DHX16: variants seen among roughly 807,000 people sequenced by gnomAD.
DHX16 encodes the protein DEAH-box helicase 16.
A neutral mutation model predicts 131.2 loss-of-function variants in DHX16; 81 were observed. The ratio of observed to expected loss-of-function variants is 0.62; its 90% CI spans 0.52 to 0.74. DHX16 has a LOEUF of 0.74. Among genes scored for constraint, DHX16 ranks in the 30% least tolerant of loss-of-function variants. DHX16 has a pLI of 0.00. For synonymous variants in DHX16, 440 were observed against 520.2 expected (o/e 0.85, Z 2.10); for missense variants, 980 against 1,363.1 (o/e 0.72, Z 4.43).
chr6:30,662,595 G>A lies in DHX16; in HGVS notation c.1544+32C>T. Reference sequence around the variant, plus strand: ...AATGGCTGAATTGGCTGGGTGGGAAGAAGGGAGAGAAAGGCCAGAGATTAG... The same window carrying A: ...AATGGCTGAATTGGCTGGGTGGGAAAAAGGGAGAGAAAGGCCAGAGATTAG... On this transcript the variant is annotated intron_variant, in intron 9 of 19. Coordinates refer to ENST00000376442, the MANE Select transcript of DHX16 (RefSeq NM_003587.5). This position sits in a 1 kb window ranked among gnomAD's most constrained non-coding sequence, Gnocchi z 4.7. The A allele has an allele frequency of 1.9e-6, 3 of 1,561,920 alleles. No individual in the cohort carries two copies. Among genetic ancestry groups the A allele is most frequent in the Non-Finnish European group, 2.6e-6 (3 of 1,134,238 alleles).
intron 9 of DHX16, among the ~76,000 whole-genome samples, chr6:30,661,387 C>G (rs1400277182): frequency 6.6e-6 from 1 of 151,936 alleles, no homozygotes; most frequent in African/African-American, 2.4e-5. Context: ...CCGGCTGATA[C>G]GTTTTAAAGG....
At position 30,656,318 on chromosome 6, in the gene DHX16, A is replaced by G; in HGVS notation, c.2431-53T>C. On this transcript the variant is annotated intron_variant, in intron 15 of 19. Transcript: ENST00000376442. This position sits in a 1 kb window ranked among gnomAD's most constrained non-coding sequence, Gnocchi z 5.1. Reference sequence around the variant, plus strand: ...CCAGTCCTCCCTCAGGTTTCCCGCTACTACTACAGGGGTCCCTGGAGCCAT... The same window carrying G: ...CCAGTCCTCCCTCAGGTTTCCCGCTGCTACTACAGGGGTCCCTGGAGCCAT... The G allele has an allele frequency of 1.2e-6, 2 of 1,611,284 alleles. No homozygotes were observed. The highest frequency in any genetic ancestry group is 2.2e-5 in the South Asian group (2 of 91,014).
At chr6:30,664,241 T>C (rs951008634) in intron 7 of DHX16, among the ~76,000 whole-genome samples, 2 of 151,766 alleles carry the variant, frequency 1.3e-5, no homozygotes, top group African/African-American at 4.8e-5. Flanking sequence ...CCCAGCACTT[T>C]GGGAGGCTGA....
At chr6:30,664,050 G>A (rs944967311) in intron 7 of DHX16, among the ~76,000 whole-genome samples, 2 of 150,916 alleles carry the variant, frequency 1.3e-5, no homozygotes, top group Admixed American at 6.6e-5. Context: ...TGTTTAATAT[G>A]GGCATGGTGG....
intron 12 of DHX16, among the ~76,000 whole-genome samples, chr6:30,658,694 G>C (rs1263482351): frequency 1.3e-5 from 2 of 151,902 alleles, no homozygotes; most frequent in Non-Finnish European, 2.9e-5. Flanking sequence ...CTGGGCAACA[G>C]AGCGAGACTC....
At position 30,670,486 on chromosome 6, in the gene DHX16, T is replaced by G; in HGVS notation, c.610-20A>C. Reference sequence around the variant, plus strand: ...ATAAGCCTAGAAGAAAAAACAAGAATGGAGGGGTGTGAGGCCAAAGAGCCC... The same window carrying G: ...ATAAGCCTAGAAGAAAAAACAAGAAGGGAGGGGTGTGAGGCCAAAGAGCCC... On this transcript the variant is annotated intron_variant, in intron 3 of 19. Coordinates refer to ENST00000376442, the MANE Select transcript of DHX16 (RefSeq NM_003587.5). This position sits in a 1 kb window ranked among gnomAD's most constrained non-coding sequence, Gnocchi z 4.4. The G allele has an allele frequency of 6.2e-7, 1 of 1,608,406 alleles. No individual in the cohort carries two copies.
intron 7 of DHX16, among the ~76,000 whole-genome samples, chr6:30,663,550 C>T (rs1378488738): frequency 2.0e-5 from 3 of 150,904 alleles, no homozygotes; most frequent in Non-Finnish European, 4.4e-5. Context: ...GGTGAAACCC[C>T]GTCTACTAAA....
At position 30,656,630 on chromosome 6, in the gene DHX16, A is replaced by T; in HGVS notation, c.2278T>A (p.Leu760Met). ...TTVPEIQRTS[L>M]GNVVLLLKSL... is the part of the protein sequence containing the mutation. ...TTGAGCAGCAACACGACATTGCCCAAGCTGGTCCTCTGGATCTCAGGCACT... is the reference window on the plus strand; with the variant it reads ...TTGAGCAGCAACACGACATTGCCCATGCTGGTCCTCTGGATCTCAGGCACT... The change falls in exon 14 of 20, where the codon TTG (leucine) becomes ATG (methionine). Residue 760 changes from leucine to methionine, a missense_variant. Physicochemically the swap from Leu to Met is conservative, Grantham distance 15. This residue lies in a region of DHX16 where 309 missense variants were observed against 537.1 expected (regional missense o/e 0.58). Coordinates refer to ENST00000376442, the MANE Select transcript of DHX16 (RefSeq NM_003587.5). This position sits in a 1 kb window ranked among gnomAD's most constrained non-coding sequence, Gnocchi z 5.1. 6.2e-7 allele frequency: 1 copy of T among 1,614,134 alleles called. No homozygotes were observed. Among genetic ancestry groups the T allele is most frequent in the Non-Finnish European group, 8.5e-7 (1 of 1,180,022 alleles).
At chr6:30,658,634 C>T (rs531017677) in intron 12 of DHX16, among the ~76,000 whole-genome samples, 1 of 151,894 alleles carries the variant, frequency 6.6e-6, no homozygotes, top group African/African-American at 2.4e-5. Flanking sequence ...TCACTTGAGC[C>T]TGGGAGGTGG....
Position 30,656,471 on chromosome 6 carries a change from G to A in DHX16, c.2350C>T (p.Pro784Ser). ...GCCAGCAGCAGTGTCTCATATGGTG[G>A]AGGGTCCAGGAAATCAAAGTGCATT... Reference protein sequence around the residue: ...DLMHFDFLDPPPYETLLLALE... With the variant: ...DLMHFDFLDPSPYETLLLALE... Residue 784 changes from proline to serine, a missense_variant, in exon 15 of 20, where the codon CCA becomes TCA. By Grantham distance (74) the Pro-to-Ser change is moderately conservative (BLOSUM62 -1). Coordinates refer to ENST00000376442, the MANE Select transcript of DHX16 (RefSeq NM_003587.5). This position sits in a 1 kb window ranked among gnomAD's most constrained non-coding sequence, Gnocchi z 5.1. 6.2e-7 allele frequency: 1 copy of A among 1,614,212 alleles called. No homozygotes were observed. Among genetic ancestry groups the A allele is most frequent in the Non-Finnish European group, 8.5e-7 (1 of 1,180,032 alleles).
In DHX16 at chr6:30,665,923, T is replaced by A. The variant is rs1185927021; in HGVS notation, c.667-190A>T. Reference sequence around the variant, plus strand: ...AATCTGGGCCTCTTTGGATGCTACATGCTGACCCCACATCGTATCTTCCTG... The same window carrying A: ...AATCTGGGCCTCTTTGGATGCTACAAGCTGACCCCACATCGTATCTTCCTG... On this transcript the variant is annotated intron_variant, in intron 4 of 19. Coordinates refer to ENST00000376442, the MANE Select transcript of DHX16 (RefSeq NM_003587.5). This position sits in a 1 kb window ranked among gnomAD's most constrained non-coding sequence, Gnocchi z 4.8. 6.6e-6 allele frequency among the ~76,000 whole-genome samples: 1 copy of A among 152,194 alleles called. No homozygotes were observed. The highest frequency in any genetic ancestry group is 1.9e-4 in the East Asian group (1 of 5,200).
chr6:30,665,619 C>G lies in DHX16; in HGVS notation c.781G>C (p.Glu261Gln). The change falls in exon 5 of 20, where the codon GAG becomes CAG. Residue 261 changes from glutamate (E) to glutamine (Q), a missense_variant. Glu to Gln is a conservative substitution (Grantham distance 29). Transcript: ENST00000376442. The surrounding 1 kb of genome is among the most constrained non-coding windows in gnomAD (Gnocchi z 4.8). ...ADEEFLFGDV[E>Q]LSRHERQELK... ...TCCTGCCGCTCGTGCCGGCTCAGCT[C>G]CACGTCCCCAAAAAGGAACTCCTCA... 1 of 1,612,950 alleles carries G rather than the reference C, an allele frequency of 6.2e-7. No homozygotes were observed. Among genetic ancestry groups the G allele is most frequent in the African/African-American group, 1.3e-5 (1 of 75,056 alleles).
chr6:30,654,262 C>T (rs1767742379), intron 19 of DHX16, among the ~76,000 whole-genome samples: 1 of 151,840 alleles, frequency 6.6e-6, no homozygotes, highest in Non-Finnish European at 1.5e-5. Context: ...GATGCTGACA[C>T]ACCTGTTAGA....
intron 12 of DHX16, among the ~76,000 whole-genome samples, chr6:30,658,262 G>C (rs1322871019): frequency 6.6e-6 from 1 of 152,118 alleles, no homozygotes; most frequent in Non-Finnish European, 1.5e-5. Context: ...CTGGGTGTTG[G>C]CCAGGCATGG....
rs879229354 is a variant in DHX16, at chr6:30,655,228, G to A, written c.2770C>T (p.Arg924Cys). 6.2e-7 allele frequency: 1 copy of A among 1,614,158 alleles called. No homozygotes were observed. The highest frequency in any genetic ancestry group is 8.5e-7 in the Non-Finnish European group (1 of 1,180,026). ...CAGGAACTGAGACCAACTTCCACAC[G>A]TTCCAAGAGCCCTTCCAGCTGTTCC... ...VREQLEGLLE[R>C]VEVGLSSCQG... is the part of the protein sequence containing the mutation. The change falls in exon 18 of 20, where the codon CGT becomes TGT. Residue 924 changes from arginine to cysteine, a missense_variant. By Grantham distance (180) the Arg-to-Cys change is radical. This residue lies in a region of DHX16 where 214 missense variants were observed against 271.2 expected (regional missense o/e 0.79). Transcript: ENST00000376442.
intron 1 of DHX16, among the ~76,000 whole-genome samples, chr6:30,671,849 A>AT (rs1769588902): frequency 6.7e-6 from 1 of 150,334 alleles, no homozygotes. Flanking sequence ...CGCTCAACTA[A>AT]TTTTTAATTT....
chr6:30,663,138 A>G, intron 7 of DHX16, 117 bp from the exon 8 acceptor site: 2 of 834,784 alleles, frequency 2.4e-6, no homozygotes, highest in Non-Finnish European at 3.7e-6. Flanking sequence ...AGGAAAAGAC[A>G]GATGCTGAAA....
Position 30,671,267 on chromosome 6 carries a change from C to T in DHX16, c.215G>A (p.Arg72Gln), listed in dbSNP as rs149441313. The T allele has an allele frequency of 6.2e-6, 10 of 1,612,786 alleles. No individual in the cohort carries two copies. The African/African-American group carries it at 8.0e-5, about 13-fold the overall frequency. ...FALRLWNKVP[R>Q]KAVVEKPARA... ...AGCTGGCTTTTCTACCACTGCCTTT[C>T]GTGGTACCTGTCAGTAGAGGGGAAG... Residue 72 changes from arginine (R) to glutamine (Q), a missense_variant, in exon 2 of 20, where the codon CGA (arginine) becomes CAA (glutamine). By Grantham distance (43) the Arg-to-Gln change is conservative (BLOSUM62 1). Coordinates refer to ENST00000376442, the MANE Select transcript of DHX16 (RefSeq NM_003587.5).
chr6:30,669,014 A>G (rs1420400499), intron 4 of DHX16, among the ~76,000 whole-genome samples: 1 of 152,016 alleles, frequency 6.6e-6, no homozygotes, highest in Non-Finnish European at 1.5e-5. Context: ...CTGAGGCAGG[A>G]GAATCGCTTG....
Sources: gnomAD v4.1 joint callset for allele counts (sites outside exome capture counted in the v4.1 genomes callset) on GRCh38, gnomAD v4.1.1 for gene constraint, gnomAD v4.1.1 regional missense constraint, Gnocchi (gnomAD v3.1) non-coding constraint, MANE v1.5 for transcripts, NCBI Gene and HGNC (gene_info 2026-07-23, HGNC 2026-07-21) for gene names.